Variants in RHEB observed in about 807,000 individuals in gnomAD.
RHEB encodes Ras homolog, mTORC1 binding.
In RHEB, 2 loss-of-function variants were observed where a neutral mutation model predicts 28.8. That is an observed-to-expected ratio of 0.07 (90% CI 0.03 to 0.22). RHEB has a LOEUF of 0.22. Ranked by LOEUF, RHEB falls within the 10% of genes least tolerant of loss-of-function variation. The probability of loss-of-function intolerance (pLI) is 1.00; values close to 1 mark genes in which losing one functional copy is unlikely to be tolerated. For synonymous variants in RHEB, 69 were observed against 77.3 expected, an observed-to-expected ratio of 0.89 and a Z score of 0.56; for missense variants, 76 against 219.9, an observed-to-expected ratio of 0.35 and a Z score of 4.14.
At position 151,466,324 on chromosome 7, in the gene RHEB, C is replaced by G. The variant is rs1158365001; in HGVS notation, c.*795G>C. The G allele has an allele frequency of 6.6e-6, 1 of 152,300 alleles. No homozygotes were observed. The highest frequency in any genetic ancestry group is 1.5e-5 in the Non-Finnish European group (1 of 68,086). The allele number at this position is 152,300 out of a possible 1,614,324, so 9.4% of individuals were successfully genotyped here. ...AAGGCTGTTCTCAATCATCTCCTGT[C>G]TGACACGGACATCGAGCTAAGCTAT... On this transcript the variant is annotated 3_prime_UTR_variant, in exon 8 of 8. Transcript: ENST00000262187.
At chr7:151,492,412 C>T (rs1022242129) in intron 1 of RHEB, among the ~76,000 whole-genome samples, 2 of 151,832 alleles carry the variant, frequency 1.3e-5, no homozygotes, top group South Asian at 2.1e-4. Context: ...GTCTGGAGTT[C>T]GAGACCAGCC....
chr7:151,471,870 C>T (rs902681517), intron 4 of RHEB: 4 of 407,438 alleles, frequency 9.8e-6, no homozygotes, highest in African/African-American at 6.2e-5. Flanking sequence ...TGAGAAACCA[C>T]ATAAATGCAA....
intron 1 of RHEB, among the ~76,000 whole-genome samples, chr7:151,518,235 G>C (rs77655321): frequency 6.6e-6 from 1 of 152,180 alleles, no homozygotes; most frequent in African/African-American, 2.4e-5. Flanking sequence ...CGACGGAGAG[G>C]TGGTAAAAGG....
chr7:151,491,025 G>A lies in RHEB; in HGVS notation c.53-11C>T, dbSNP rs1355824482. 1.9e-6 allele frequency: 3 copies of A among 1,605,878 alleles called. No individual in the cohort carries two copies. The highest frequency in any genetic ancestry group is 2.6e-6 in the Non-Finnish European group (3 of 1,175,054). ...TCAATGAGGATTTCCCTATAAAAGA[G>A]AACAAGAGCTTAGTGTGTGTTGGCA... On this transcript the variant is annotated splice_polypyrimidine_tract_variant and intron_variant, in intron 1 of 7. Coordinates refer to ENST00000262187, the MANE Select transcript of RHEB (RefSeq NM_005614.4).
chr7:151,495,500 G>A (rs1200059007), intron 1 of RHEB, among the ~76,000 whole-genome samples: 2 of 152,218 alleles, frequency 1.3e-5, no homozygotes, highest in African/African-American at 4.8e-5. Context: ...ATGGCACAGT[G>A]AGTTTCTCAG....
At chr7:151,488,166 ATT>A (rs1324401826) in intron 2 of RHEB, among the ~76,000 whole-genome samples, 2 of 152,258 alleles carry the variant, frequency 1.3e-5, no homozygotes, top group East Asian at 3.8e-4. Context: ...TTTAGTTTGT[ATT>A]GAGTTGTTAG....
intron 2 of RHEB, among the ~76,000 whole-genome samples, chr7:151,490,546 C>T (rs1488188487): frequency 1.3e-5 from 2 of 152,102 alleles, no homozygotes; most frequent in Non-Finnish European, 2.9e-5. Flanking sequence ...GGTGGGAGTA[C>T]GGCTTCTGTA....
At chr7:151,501,421 T>C (rs1802769788) in intron 1 of RHEB, among the ~76,000 whole-genome samples, 2 of 152,202 alleles carry the variant, frequency 1.3e-5, no homozygotes, top group African/African-American at 2.4e-5. Flanking sequence ...CTAATTAAAA[T>C]GGCTAAAATA....
At chr7:151,518,248 G>A (rs1803116708) in intron 1 of RHEB, among the ~76,000 whole-genome samples, 1 of 152,196 alleles carries the variant, frequency 6.6e-6, no homozygotes, top group Non-Finnish European at 1.5e-5. Flanking sequence ...GTAAAAGGAT[G>A]AGTAAGCATG....
At chr7:151,495,114 T>C (rs1331741053) in intron 1 of RHEB, among the ~76,000 whole-genome samples, 1 of 152,224 alleles carries the variant, frequency 6.6e-6, no homozygotes, top group Non-Finnish European at 1.5e-5. Flanking sequence ...AATAACTTCA[T>C]ATATTTACTT....
chr7:151,479,406 G>C lies in RHEB; in HGVS notation c.193-1991C>G, dbSNP rs143610440. ...AGTTAAAAAAAGATTAATAAGGCCG[G>C]GCACAATGGCTCACGTCTGTAATCC... is the stretch of plus-strand genomic sequence containing the variant. On this transcript the variant is annotated intron_variant, in intron 3 of 7. Transcript: ENST00000262187. 5.1e-3 allele frequency among the ~76,000 whole-genome samples: 783 copies of C among 152,192 alleles called. 4 individuals are homozygous for C. Among genetic ancestry groups the C allele is most frequent in the African/African-American group, 0.018 (742 of 41,528 alleles).
At position 151,519,658 on chromosome 7, in the gene RHEB, C is replaced by T. The variant is rs938144459; in HGVS notation, c.-147G>A. On this transcript the variant is annotated 5_prime_UTR_variant, in exon 1 of 8. Coordinates refer to ENST00000262187, the MANE Select transcript of RHEB (RefSeq NM_005614.4). Reference sequence around the variant, plus strand: ...CGCGGCTGCCTCTCGCTCGCTAGCTCGCGCGCTCCCAACCGCCCGGAACCG... The same window carrying T: ...CGCGGCTGCCTCTCGCTCGCTAGCTTGCGCGCTCCCAACCGCCCGGAACCG... The T allele has an allele frequency of 4.8e-6, 3 of 626,320 alleles. No homozygotes were observed. The highest frequency in any genetic ancestry group is 6.9e-6 in the Non-Finnish European group (3 of 432,150). 38.8% of individuals were successfully genotyped at this position (626,320 alleles called of 1,614,324 possible).
At chr7:151,517,255 C>A (rs1258132736) in intron 1 of RHEB, among the ~76,000 whole-genome samples, 1 of 151,656 alleles carries the variant, frequency 6.6e-6, no homozygotes, top group Non-Finnish European at 1.5e-5. Context: ...GTAGTGCCAG[C>A]TACTCTGGAG....
intron 1 of RHEB, among the ~76,000 whole-genome samples, chr7:151,492,755 C>T (rs1012322219): frequency 6.6e-6 from 1 of 151,986 alleles, no homozygotes; most frequent in Non-Finnish European, 1.5e-5. Context: ...TTATTCTCTA[C>T]AAAGCAACCT....
At chr7:151,478,073 G>A (rs777844365) in intron 3 of RHEB, among the ~76,000 whole-genome samples, 5 of 152,268 alleles carry the variant, frequency 3.3e-5, no homozygotes, top group South Asian at 2.1e-4. Context: ...TACCTATTAC[G>A]CAACAGCACA....
chr7:151,485,821 C>G (rs1337586302), intron 2 of RHEB, among the ~76,000 whole-genome samples: 1 of 152,094 alleles, frequency 6.6e-6, no homozygotes, highest in Non-Finnish European at 1.5e-5. Context: ...CACAGAGAAC[C>G]ATATTAGCGT....
intron 3 of RHEB, among the ~76,000 whole-genome samples, chr7:151,479,422 T>C (rs1022404258): frequency 2.0e-4 from 31 of 152,092 alleles, no homozygotes; most frequent in East Asian, 9.7e-4. Flanking sequence ...ATGGCTCACG[T>C]CTGTAATCCC....
chr7:151,516,617 T>C (rs530102044), intron 1 of RHEB, among the ~76,000 whole-genome samples: 109 of 96,322 alleles, frequency 1.1e-3, no homozygotes, highest in African/African-American at 4.5e-3. Flanking sequence ...AGTGAGACTC[T>C]GTCACAAAAA....
At chr7:151,479,863 G>A (rs546320005) in intron 3 of RHEB, among the ~76,000 whole-genome samples, 3 of 151,882 alleles carry the variant, frequency 2.0e-5, no homozygotes, top group Admixed American at 6.6e-5. Context: ...ACATCAACAC[G>A]CAAAGACCAA....
Sources: allele counts gnomAD v4.1 joint callset (sites outside exome capture counted in the v4.1 genomes callset), GRCh38; gene constraint gnomAD v4.1.1; transcripts MANE v1.5; gene names NCBI Gene and HGNC (gene_info 2026-07-23, HGNC 2026-07-21).